The following L3MBTL4 variants were observed in gnomAD, a reference collection of about 807,000 sequenced individuals.
L3MBTL4 encodes L3MBTL histone methyl-lysine binding protein 4.
In L3MBTL4, 70 loss-of-function variants were observed where a neutral mutation model predicts 84.5. The ratio of observed to expected loss-of-function variants is 0.83; its 90% CI spans 0.68 to 1.01. L3MBTL4 has a LOEUF of 1.01. L3MBTL4 is among the 50% of genes least tolerant of loss of function. The pLI is 0.00. For synonymous variants in L3MBTL4, 274 were observed against 259.8 expected (o/e 1.05, Z -0.52); for missense variants, 715 against 754.8 (o/e 0.95, Z 0.62).
At chr18:6,116,951 C>A (rs1043783757) in intron 14 of L3MBTL4, among the ~76,000 whole-genome samples, 2 of 152,196 alleles carry the variant, frequency 1.3e-5, no homozygotes, top group African/African-American at 4.8e-5. Context: ...TATCCCTATG[C>A]AACACTGCTT....
chr18:6,331,890 T>C (rs567440347), intron 1 of L3MBTL4, among the ~76,000 whole-genome samples: 4 of 149,248 alleles, frequency 2.7e-5, no homozygotes, highest in African/African-American at 7.4e-5. Context: ...AGAAGAGACA[T>C]AGAGGATAAA....
chr18:5,979,387 C>A (rs1304128871), intron 16 of L3MBTL4, among the ~76,000 whole-genome samples: 1 of 152,156 alleles, frequency 6.6e-6, no homozygotes, highest in Non-Finnish European at 1.5e-5. Context: ...AGTGTACAAT[C>A]AGAATGACAA....
At chr18:6,083,836 G>A (rs1473217777) in intron 15 of L3MBTL4, among the ~76,000 whole-genome samples, 3 of 152,154 alleles carry the variant, frequency 2.0e-5, no homozygotes, top group African/African-American at 7.2e-5. Flanking sequence ...AAAGGCAAAA[G>A]CTGTAGCTGT....
intron 1 of L3MBTL4, among the ~76,000 whole-genome samples, chr18:6,320,739 C>T (rs1013068628): frequency 3.7e-4 from 56 of 152,044 alleles, no homozygotes; most frequent in African/African-American, 1.3e-3. Context: ...TTAGGAAAAA[C>T]AATCCTAAAA....
intron 4 of L3MBTL4, among the ~76,000 whole-genome samples, chr18:6,294,215 A>G (rs1443342245): frequency 6.6e-6 from 1 of 152,204 alleles, no homozygotes; most frequent in East Asian, 1.9e-4. Flanking sequence ...TAAGTTTGAT[A>G]TAAAAAGTTT....
intron 4 of L3MBTL4, among the ~76,000 whole-genome samples, chr18:6,298,213 G>A (rs1287622473): frequency 2.6e-5 from 4 of 151,926 alleles, no homozygotes; most frequent in South Asian, 2.1e-4. Flanking sequence ...TTAAATTGTC[G>A]TTAATTTGGT....
At chr18:6,386,212 C>A (rs1014686096) in intron 1 of L3MBTL4, among the ~76,000 whole-genome samples, 1 of 151,966 alleles carries the variant, frequency 6.6e-6, no homozygotes, top group Non-Finnish European at 1.5e-5. Flanking sequence ...GAGAAAGATT[C>A]CAACAAGTAG....
chr18:5,978,727 A>T (rs1224944400), intron 16 of L3MBTL4, among the ~76,000 whole-genome samples: 1 of 152,172 alleles, frequency 6.6e-6, no homozygotes, highest in Non-Finnish European at 1.5e-5. Flanking sequence ...GTGCCTGAGG[A>T]CGTGGTTTAA....
At chr18:6,155,277 A>G (rs911176552) in intron 13 of L3MBTL4, among the ~76,000 whole-genome samples, 28 of 152,208 alleles carry the variant, frequency 1.8e-4, no homozygotes, top group Non-Finnish European at 1.3e-4. Context: ...CTGAACGCAA[A>G]TAAAATTAGG....
At chr18:6,275,473 AAG>A (rs1184101798) in intron 4 of L3MBTL4, among the ~76,000 whole-genome samples, 1 of 152,162 alleles carries the variant, frequency 6.6e-6, no homozygotes, top group Admixed American at 6.5e-5. Context: ...AGGCTGGAGA[AAG>A]AGGTGACATC....
chr18:6,205,747 CTTAT>C (rs1193059860), intron 12 of L3MBTL4, among the ~76,000 whole-genome samples: 3 of 152,284 alleles, frequency 2.0e-5, no homozygotes, highest in Admixed American at 6.5e-5. Flanking sequence ...CCATTATTCA[CTTAT>C]TTATTTTTGA....
chr18:6,143,645 G>A (rs2060259418), intron 13 of L3MBTL4, among the ~76,000 whole-genome samples: 1 of 152,188 alleles, frequency 6.6e-6, no homozygotes, highest in Admixed American at 6.5e-5. Flanking sequence ...AAGAAGAAAT[G>A]TCCTCAGCTC....
chr18:6,013,581 G>C (rs527819973), intron 16 of L3MBTL4, among the ~76,000 whole-genome samples: 1 of 152,056 alleles, frequency 6.6e-6, no homozygotes, highest in Non-Finnish European at 1.5e-5. Flanking sequence ...CCCAGTGAAC[G>C]CCTAAGTTCC....
intron 17 of L3MBTL4, among the ~76,000 whole-genome samples, chr18:5,965,344 G>T (rs994094524): frequency 6.6e-6 from 1 of 152,202 alleles, no homozygotes; most frequent in Non-Finnish European, 1.5e-5. Context: ...TTCCTCCCAG[G>T]CCAGGAAGGC....
At chr18:6,239,289 C>G (rs1355959777) in intron 9 of L3MBTL4, among the ~76,000 whole-genome samples, 3 of 144,074 alleles carry the variant, frequency 2.1e-5, no homozygotes, top group African/African-American at 5.2e-5. Flanking sequence ...TGCAGTGAGC[C>G]GAGATCCCGC....
At chr18:6,336,783 T>G (rs1171879471) in intron 1 of L3MBTL4, among the ~76,000 whole-genome samples, 1 of 152,142 alleles carries the variant, frequency 6.6e-6, no homozygotes, top group Non-Finnish European at 1.5e-5. Context: ...AGCCTAGCAT[T>G]CAATAAAAAA....
intron 13 of L3MBTL4, among the ~76,000 whole-genome samples, chr18:6,162,248 T>C (rs560651426): frequency 6.6e-6 from 1 of 152,224 alleles, no homozygotes; most frequent in African/African-American, 2.4e-5. Flanking sequence ...CTATAAAATA[T>C]AGAGTAGATT....
At chr18:6,098,823 G>A (rs903263265) in intron 14 of L3MBTL4, among the ~76,000 whole-genome samples, 1 of 152,166 alleles carries the variant, frequency 6.6e-6, no homozygotes, top group South Asian at 2.1e-4. Flanking sequence ...TCTCTTAACT[G>A]AGAGGTCAGA....
At chr18:6,310,833 T>C (rs1309509467) in intron 3 of L3MBTL4, among the ~76,000 whole-genome samples, 1 of 152,228 alleles carries the variant, frequency 6.6e-6, no homozygotes, top group Non-Finnish European at 1.5e-5. Flanking sequence ...AGTATCTAGA[T>C]GTTGCTGTGA....
Sources: gnomAD v4.1 joint callset for allele counts (sites outside exome capture counted in the v4.1 genomes callset) on GRCh38, gnomAD v4.1.1 for gene constraint, MANE v1.5 for transcripts, NCBI Gene and HGNC (gene_info 2026-07-23, HGNC 2026-07-21) for gene names.